Variants in CFAP47 observed in about 807,000 individuals in gnomAD.
CFAP47 encodes the protein cilia and flagella associated protein 47.
A neutral mutation model predicts 148.1 loss-of-function variants in CFAP47; 29 were observed. The ratio of observed to expected loss-of-function variants is 0.20; its 90% confidence interval spans 0.15 to 0.27. CFAP47 has a LOEUF of 0.27. Among genes scored for constraint, CFAP47 ranks in the 10% least tolerant of loss-of-function variants. CFAP47 has a pLI of 1.00. For synonymous variants in CFAP47, 664 were observed against 577.3 expected, an observed-to-expected ratio of 1.15 and a Z score of -2.15; for missense variants, 1,872 against 1,697.5, an observed-to-expected ratio of 1.10 and a Z score of -1.81.
rs1177721405 is a variant in CFAP47 at position 36,291,937 on chromosome X, G to A, written c.7686+6211G>A. ...TACTATCTTAAACAGTTAAGCAGGAGGTTACTTCCTAGGGATCGGTCCTTG... is the reference window on the plus strand; with the variant it reads ...TACTATCTTAAACAGTTAAGCAGGAAGTTACTTCCTAGGGATCGGTCCTTG... On this transcript the variant is annotated intron_variant, in intron 51 of 63. Transcript: ENST00000378653. Among the ~76,000 whole-genome samples, 6 of 110,932 alleles carry A rather than the reference G, an allele frequency of 5.4e-5. No homozygotes were observed. The East Asian group carries it at 1.7e-3, about 31-fold the overall frequency.
chrX:36,350,340 G>A (rs782625371), intron 59 of CFAP47, among the ~76,000 whole-genome samples: 1 of 111,591 alleles, frequency 9.0e-6, no homozygotes, highest in East Asian at 2.8e-4. Context: ...CTTCCTGTTG[G>A]TGAAATGCAG....
intron 32 of CFAP47, among the ~76,000 whole-genome samples, chrX:36,102,807 C>A (rs755352173): frequency 9.0e-6 from 1 of 111,595 alleles, no homozygotes; most frequent in Non-Finnish European, 1.9e-5. Context: ...TTTTATAATA[C>A]GTGAGATTTG....
chrX:36,084,991 T>C, intron 29 of CFAP47, among the ~76,000 whole-genome samples: 1 of 111,578 alleles, frequency 9.0e-6, no homozygotes, highest in Non-Finnish European at 1.9e-5. Context: ...CTTGCCATAC[T>C]CACTCAGCTA....
intron 15 of CFAP47, among the ~76,000 whole-genome samples, chrX:35,987,293 C>A (rs746833308): frequency 1.8e-5 from 2 of 111,753 alleles, no homozygotes; most frequent in Non-Finnish European, 3.8e-5. Flanking sequence ...GCATTTCCTT[C>A]AGAGATGCTC....
In CFAP47 at chrX:36,044,270, C is replaced by T. The variant is rs184042776; in HGVS notation, c.4008-2584C>T. Among the ~76,000 whole-genome samples the T allele has an allele frequency of 2.7e-5, 3 of 113,037 alleles. No homozygotes were observed. In the East Asian group the frequency reaches 8.4e-4, roughly 32 times the overall value. ...CATTTTCCCCATTGTCTTGGCTCCT[C>T]ATTATTTATGCAAATGTCTGCAGCT... On this transcript the variant is annotated intron_variant, in intron 25 of 63. Coordinates refer to ENST00000378653, the MANE Select transcript of CFAP47 (RefSeq NM_001304548.2).
intron 2 of CFAP47, among the ~76,000 whole-genome samples, chrX:35,940,642 GTC>G (rs1935992186): frequency 9.0e-6 from 1 of 111,032 alleles, no homozygotes; most frequent in Admixed American, 9.7e-5. Context: ...AGTAGACTCT[GTC>G]TCTCTTTTTC....
intron 22 of CFAP47, among the ~76,000 whole-genome samples, chrX:36,030,721 G>GT (rs1244401974): frequency 9.1e-6 from 1 of 110,289 alleles, no homozygotes; most frequent in Non-Finnish European, 1.9e-5. Context: ...AGAAGTATAG[G>GT]TTTTTTCCAG....
At chrX:36,255,181 T>A (rs1305587424) in intron 49 of CFAP47, among the ~76,000 whole-genome samples, 1 of 111,404 alleles carries the variant, frequency 9.0e-6, no homozygotes, top group Non-Finnish European at 1.9e-5. Context: ...GCAATGATAA[T>A]GAATTAAGAA....
intron 27 of CFAP47, 130 bp from the exon 28 acceptor site, chrX:36,071,695 G>T (rs1203591532): frequency 8.2e-6 from 4 of 487,931 alleles, no homozygotes; most frequent in African/African-American, 2.5e-5. Flanking sequence ...TTTTTACTTT[G>T]TCATAGATAG....
intron 25 of CFAP47, among the ~76,000 whole-genome samples, chrX:36,039,513 G>A (rs1937377963): frequency 8.9e-6 from 1 of 111,763 alleles, no homozygotes. Context: ...TATCTCAAAC[G>A]ACATGAATTT....
At chrX:36,037,289 C>A (rs1251096418) in intron 24 of CFAP47, among the ~76,000 whole-genome samples, 1 of 111,404 alleles carries the variant, frequency 9.0e-6, no homozygotes, top group East Asian at 2.8e-4. Context: ...TGCGCTGGGC[C>A]CTAGCAGTCA....
chrX:36,310,676 A>T (rs1941386463), intron 55 of CFAP47, among the ~76,000 whole-genome samples, 157 bp from the exon 56 acceptor site: 1 of 111,769 alleles, frequency 8.9e-6, no homozygotes, highest in African/African-American at 3.2e-5. Flanking sequence ...TAAAATTAAA[A>T]GGAATTTGGA....
chrX:36,323,751 T>C (rs1321356680), intron 57 of CFAP47, among the ~76,000 whole-genome samples: 1 of 105,133 alleles, frequency 9.5e-6, no homozygotes, highest in African/African-American at 3.5e-5. Context: ...TTTCAGAAAT[T>C]TTATAATTCC....
At chrX:36,306,259 A>G (rs1941347663) in intron 54 of CFAP47, among the ~76,000 whole-genome samples, 1 of 111,723 alleles carries the variant, frequency 9.0e-6, no homozygotes, top group African/African-American at 3.2e-5. Flanking sequence ...CTAATACTGT[A>G]CAGACTCAAG....
intron 62 of CFAP47, among the ~76,000 whole-genome samples, chrX:36,367,488 C>T (rs782709972): frequency 8.9e-6 from 1 of 111,916 alleles, no homozygotes; most frequent in East Asian, 2.8e-4. Context: ...CACGTTGATT[C>T]CATGTTATGT....
intron 37 of CFAP47, among the ~76,000 whole-genome samples, chrX:36,149,608 ATTTATTTTAT>A (rs1939281954): frequency 1.5e-5 from 1 of 66,217 alleles, no homozygotes; most frequent in Non-Finnish European, 2.6e-5. Context: ...TTATTTATTT[ATTTATTTTAT>A]TTTTTTTTGA....
chrX:36,288,137 GATCAGA>G (rs1382216726), intron 51 of CFAP47, among the ~76,000 whole-genome samples: 1 of 111,640 alleles, frequency 9.0e-6, no homozygotes, highest in Non-Finnish European at 1.9e-5. Context: ...ATGAATGATT[GATCAGA>G]ATCTCTCTAA....
chrX:36,055,206 C>T lies in CFAP47; in HGVS notation c.4217+8143C>T, dbSNP rs191915142. On this transcript the variant is annotated intron_variant, in intron 26 of 63. Transcript: ENST00000378653. ...ATTTCAGGGGTACATGTGCAGGATG[C>T]GCAGGCTTGTTACATAGACAAATGT... is the stretch of plus-strand genomic sequence containing the variant. Among the ~76,000 whole-genome samples, 561 of 109,444 alleles carry T rather than the reference C, an allele frequency of 5.1e-3. 4 individuals carry two copies. Among genetic ancestry groups the T allele is most frequent in the African/African-American group, 0.018 (542 of 30,031 alleles).
intron 45 of CFAP47, among the ~76,000 whole-genome samples, chrX:36,225,825 A>G (rs1443188229): frequency 9.0e-6 from 1 of 111,134 alleles, no homozygotes; most frequent in Non-Finnish European, 1.9e-5. Context: ...GATTTAGGGC[A>G]TGTGTTAAGC....
Sources: allele counts gnomAD v4.1 joint callset (sites outside exome capture counted in the v4.1 genomes callset), GRCh38; gene constraint gnomAD v4.1.1; transcripts MANE v1.5; gene names NCBI Gene and HGNC (gene_info 2026-07-23, HGNC 2026-07-21).